The following GPHN variants were observed in gnomAD, a reference collection of about 807,000 sequenced individuals.
GPHN encodes gephyrin.
In GPHN, 17 loss-of-function variants were observed where a neutral mutation model predicts 95.5. The ratio of observed to expected loss-of-function variants is 0.18; its 90% CI spans 0.12 to 0.27. The LOEUF (loss-of-function observed/expected upper bound fraction) is 0.27, where lower values mean the gene tolerates loss of function less well. GPHN is among the 10% of genes least tolerant of loss of function. The pLI, the probability that GPHN is intolerant of heterozygous loss-of-function variation, is 1.00. For missense variants in GPHN, 660 were observed against 978.1 expected, an observed-to-expected ratio of 0.67 and a Z score of 4.34; for synonymous variants, 320 against 322.5, an observed-to-expected ratio of 0.99 and a Z score of 0.08.
chr14:67,594,730 T>G, the GPHN span, among the ~76,000 whole-genome samples: 1 of 152,008 alleles, frequency 6.6e-6, no homozygotes, highest in African/African-American at 2.4e-5. Flanking sequence ...GATAAACCCA[T>G]TATAAGATGA....
At chr14:66,896,581 G>A (rs944972598) in intron 5 of GPHN, among the ~76,000 whole-genome samples, 10 of 152,040 alleles carry the variant, frequency 6.6e-5, no homozygotes, top group Admixed American at 2.0e-4. Flanking sequence ...CACTGCACTC[G>A]CCTGGGGTAC....
intron 1 of GPHN, among the ~76,000 whole-genome samples, chr14:66,599,380 A>AT (rs142321214): frequency 1.0e-3 from 114 of 111,334 alleles, no homozygotes; most frequent in African/African-American, 3.4e-3. Context: ...CTGATTTTAC[A>AT]TTTTTTTTTG....
chr14:67,028,973 C>T (rs1280690373), intron 10 of GPHN, among the ~76,000 whole-genome samples: 2 of 152,080 alleles, frequency 1.3e-5, no homozygotes, highest in East Asian at 1.9e-4. Context: ...TCTGTGTTTT[C>T]GTCTAGCAGT....
chr14:67,517,758 G>A, the GPHN span, among the ~76,000 whole-genome samples: 41 of 152,258 alleles, frequency 2.7e-4, no homozygotes, highest in African/African-American at 8.2e-4. Context: ...GGGTAGGACA[G>A]CTATTTTTAT....
the GPHN span, among the ~76,000 whole-genome samples, chr14:67,434,531 G>T: frequency 3.3e-5 from 5 of 152,338 alleles, no homozygotes; most frequent in South Asian, 1.0e-3. Flanking sequence ...GGGAGCCTGG[G>T]AGTATTCATT....
the GPHN span, chr14:67,360,484 A>G: frequency 2.9e-6 from 1 of 347,764 alleles, no homozygotes; most frequent in Non-Finnish European, 5.1e-6. Flanking sequence ...CGGTTTCTCC[A>G]GGAACTCACT....
the GPHN span, chr14:67,647,858 G>A: frequency 1.6e-6 from 1 of 606,722 alleles, no homozygotes; most frequent in Admixed American, 3.0e-5. Context: ...TGGTATGTAG[G>A]AAGTTAATAT....
chr14:67,208,227 C>T, the GPHN span: 1 of 1,613,606 alleles, frequency 6.2e-7, no homozygotes, highest in African/African-American at 1.3e-5. Context: ...ATTCTGAAGC[C>T]TGGGTGTTTA....
At chr14:67,439,534 T>TTTCTTTCTTTCTTTC in the GPHN span, among the ~76,000 whole-genome samples, 7 of 13,426 alleles carry the variant, frequency 5.2e-4, no homozygotes, top group Non-Finnish European at 1.3e-3. Flanking sequence ...AATTCAATAG[T>TTTCTTTCTTTCTTTC]TTCTTTCTTT....
intron 13 of GPHN, among the ~76,000 whole-genome samples, chr14:67,105,712 T>G (rs916943878): frequency 3.3e-5 from 5 of 152,188 alleles, no homozygotes; most frequent in Admixed American, 6.5e-5. Context: ...ACTTTCAGTC[T>G]ATATCTGTAT....
intron 2 of GPHN, among the ~76,000 whole-genome samples, chr14:66,720,163 G>A (rs1382614409): frequency 6.6e-6 from 1 of 152,158 alleles, no homozygotes; most frequent in African/African-American, 2.4e-5. Context: ...ATAAAAGGTA[G>A]ATAAAAAGCA....
intron 1 of GPHN, among the ~76,000 whole-genome samples, chr14:66,542,919 C>T (rs2059406075): frequency 6.6e-6 from 1 of 152,152 alleles, no homozygotes; most frequent in African/African-American, 2.4e-5. Context: ...GTTTAATTGG[C>T]TCACGATTCT....
intron 2 of GPHN, among the ~76,000 whole-genome samples, chr14:66,774,177 T>G (rs962648186): frequency 3.3e-5 from 5 of 151,856 alleles, no homozygotes; most frequent in Admixed American, 2.6e-4. Flanking sequence ...TACTTTTTTG[T>G]ATTTTTAGTA....
chr14:67,663,325 A>T, the GPHN span: 1 of 628,958 alleles, frequency 1.6e-6, no homozygotes, highest in South Asian at 2.3e-5. Context: ...TCATTTTTAA[A>T]TAACATTGTT....
chr14:66,569,776 G>A (rs1176368934), intron 1 of GPHN, among the ~76,000 whole-genome samples: 1 of 152,012 alleles, frequency 6.6e-6, no homozygotes, highest in Non-Finnish European at 1.5e-5. Flanking sequence ...ATTAATGTAT[G>A]CATTACCTCA....
At chr14:66,539,409 CT>C (rs1000117893) in intron 1 of GPHN, among the ~76,000 whole-genome samples, 1,889 of 101,784 alleles carry the variant, frequency 0.019, 7 homozygotes, top group Middle Eastern at 0.025. Context: ...TTTCTACTTT[CT>C]TTTTTTTTTT....
At chr14:67,359,033 C>A in the GPHN span, among the ~76,000 whole-genome samples, 2 of 152,214 alleles carry the variant, frequency 1.3e-5, no homozygotes, top group African/African-American at 4.8e-5. Context: ...GGTATTAACA[C>A]AGGTCTGAAC....
chr14:67,663,186 C>G, the GPHN span: 4 of 1,528,846 alleles, frequency 2.6e-6, no homozygotes, highest in Non-Finnish European at 3.5e-6. Flanking sequence ...AATTACTAAT[C>G]TCCCCTTTGA....
chr14:67,424,790 C>A, the GPHN span, among the ~76,000 whole-genome samples: 1 of 151,960 alleles, frequency 6.6e-6, no homozygotes, highest in African/African-American at 2.4e-5. Flanking sequence ...GCCCCCAGAG[C>A]CCCTTCAGAT....
Sources: allele counts gnomAD v4.1 joint callset (sites outside exome capture counted in the v4.1 genomes callset), GRCh38; gene constraint gnomAD v4.1.1; transcripts MANE v1.5; gene names NCBI Gene and HGNC (gene_info 2026-07-23, HGNC 2026-07-21).